Variants in USP47 observed in about 807,000 individuals in gnomAD.
USP47 encodes ubiquitin carboxyl-terminal hydrolase 47.
Under a neutral mutation model 165.1 loss-of-function variants are expected in USP47, and 35 were observed. The observed-to-expected ratio is 0.21, with a 90% CI of 0.16 to 0.28. The LOEUF is 0.28. Among genes scored for constraint, USP47 ranks in the 10% least tolerant of loss-of-function variants. USP47 has a pLI of 1.00. For synonymous variants in USP47, 531 were observed against 544.5 expected (o/e 0.98, Z 0.35); for missense variants, 1,277 against 1,607.4 (o/e 0.79, Z 3.52).
chr11:11,875,903 A>G (rs535603279), intron 1 of USP47, among the ~76,000 whole-genome samples: 3 of 152,284 alleles, frequency 2.0e-5, no homozygotes, highest in Admixed American at 6.5e-5. Flanking sequence ...TCACCTGGCC[A>G]TTTTTACTTT....
At chr11:11,860,833 T>C (rs965226923) in intron 1 of USP47, among the ~76,000 whole-genome samples, 9 of 152,190 alleles carry the variant, frequency 5.9e-5, no homozygotes, top group Non-Finnish European at 1.3e-4. Flanking sequence ...CCATTGCCAA[T>C]ACTAGAACAG....
At chr11:11,895,810 G>C (rs1335344708) in intron 4 of USP47, among the ~76,000 whole-genome samples, 1 of 152,026 alleles carries the variant, frequency 6.6e-6, no homozygotes, top group Non-Finnish European at 1.5e-5. Context: ...ACTTCACTGG[G>C]CCTGTTTGAT....
At position 11,942,643 on chromosome 11, in the gene USP47, G is replaced by A. The variant is rs1201586031; in HGVS notation, c.2622G>A (p.Gly874=). Residue 874 remains glycine (G), a synonymous_variant, in exon 20 of 28, where the codon GGG becomes GGA. Coordinates refer to ENST00000527733, the MANE Select transcript of USP47 (RefSeq NM_001282659.2). ...SLQQQQDGDN[G]DSSKSTETSD... The stretch of plus-strand genomic sequence containing the variant: ...AGCAACAGCAGGATGGAGATAATGG[G>A]GACAGCAGCAAAAGTACTGAGACAA... The A allele has an allele frequency of 1.9e-6, 3 of 1,613,252 alleles. No homozygotes were observed. The highest frequency in any genetic ancestry group is 1.3e-5 in the African/African-American group (1 of 74,852).
chr11:11,938,567 T>C (rs1855240326), intron 18 of USP47, among the ~76,000 whole-genome samples, 195 bp downstream of exon 18: 1 of 152,064 alleles, frequency 6.6e-6, no homozygotes, highest in South Asian at 2.1e-4. Flanking sequence ...CAAGTACATA[T>C]AACAACTTAT....
chr11:11,931,818 G>A (rs1368691811), intron 14 of USP47, among the ~76,000 whole-genome samples: 3 of 151,712 alleles, frequency 2.0e-5, no homozygotes, highest in African/African-American at 4.8e-5. Context: ...ATTTCATATT[G>A]TCCCTTTGAA....
intron 4 of USP47, among the ~76,000 whole-genome samples, chr11:11,892,380 C>CTTTTTTTTTTTTTTTTTTTTTTTT (rs1300802562): frequency 3.3e-5 from 4 of 121,146 alleles, no homozygotes; most frequent in Admixed American, 9.1e-5. Context: ...TTTTAATTTT[C>CTTTTTTTTTTTTTTTTTTTTTTTT]TTTTTTTTTT....
chr11:11,895,749 G>GT (rs11419478), intron 4 of USP47, among the ~76,000 whole-genome samples: 11,807 of 152,036 alleles, frequency 0.078, 696 homozygotes, highest in East Asian at 0.32. Context: ...TCTTTGGCCA[G>GT]TTTTTTTAAC....
intron 4 of USP47, among the ~76,000 whole-genome samples, chr11:11,892,380 CTTTTTT>C (rs1300802562): frequency 5.0e-5 from 6 of 121,148 alleles, no homozygotes; most frequent in African/African-American, 1.9e-4. Context: ...TTTTAATTTT[CTTTTTT>C]TTTTTTTTTT....
chr11:11,917,934 G>GT (rs1853547901), intron 8 of USP47, among the ~76,000 whole-genome samples: 1 of 152,128 alleles, frequency 6.6e-6, no homozygotes, highest in Non-Finnish European at 1.5e-5. Flanking sequence ...GCAGGAATCT[G>GT]TAAGTGGATG....
intron 11 of USP47, among the ~76,000 whole-genome samples, chr11:11,929,187 A>G (rs1398885662): frequency 1.3e-5 from 2 of 152,086 alleles, no homozygotes; most frequent in East Asian, 3.8e-4. Flanking sequence ...TTACAGATAT[A>G]TATGGTTTCA....
intron 1 of USP47, among the ~76,000 whole-genome samples, chr11:11,876,091 CT>C (rs1453152840): frequency 6.6e-6 from 1 of 152,084 alleles, no homozygotes; most frequent in Non-Finnish European, 1.5e-5. Context: ...ATAGTTTCAA[CT>C]TTAGGATTTA....
chr11:11,883,483 A>G (rs1850960077), intron 2 of USP47, among the ~76,000 whole-genome samples: 1 of 152,190 alleles, frequency 6.6e-6, no homozygotes, highest in African/African-American at 2.4e-5. Context: ...AATCTCTTAC[A>G]GTTAATTTTT....
chr11:11,942,938 A>C lies in USP47; in HGVS notation c.2917A>C (p.Ser973Arg), dbSNP rs753340950. Reference sequence around the variant, plus strand: ...ACTTGACTCTCACAGTATCACAAGTAGTAGAAGAACGAAAGCAAATGAAGG... The same window carrying C: ...ACTTGACTCTCACAGTATCACAAGTCGTAGAAGAACGAAAGCAAATGAAGG... The part of the protein sequence containing the change: ...NGLDSHSITS[S>R]RRTKANEGKK... Residue 973 changes from serine to arginine, a missense_variant, in exon 20 of 28, where the codon AGT (serine) becomes CGT (arginine). Coordinates refer to ENST00000527733, the MANE Select transcript of USP47 (RefSeq NM_001282659.2). 2 of 1,613,654 alleles carry C rather than the reference A, an allele frequency of 1.2e-6. No homozygotes were observed. Among genetic ancestry groups the C allele is most frequent in the Non-Finnish European group, 8.5e-7 (1 of 1,179,738 alleles).
rs1010998137 is a variant in USP47 at position 11,870,410 on chromosome 11, A to T, written c.40-9767A>T. Among the ~76,000 whole-genome samples, 3 of 152,122 alleles carry T rather than the reference A, an allele frequency of 2.0e-5. No individual in the cohort carries two copies. The East Asian group carries it at 5.8e-4, about 29-fold the overall frequency. ...TTTAATAAAAACTCAAGAGAAGGAAAATGTATTATATTTAGCTATATTTTT... is the reference window on the plus strand; with the variant it reads ...TTTAATAAAAACTCAAGAGAAGGAATATGTATTATATTTAGCTATATTTTT... On this transcript the variant is annotated intron_variant, in intron 1 of 27. Coordinates refer to ENST00000527733, the MANE Select transcript of USP47 (RefSeq NM_001282659.2).
chr11:11,880,994 T>C (rs1188844250), intron 2 of USP47, among the ~76,000 whole-genome samples: 2 of 152,176 alleles, frequency 1.3e-5, no homozygotes, highest in South Asian at 2.1e-4. Flanking sequence ...GGGTATACTT[T>C]CTAATTTTAG....
intron 14 of USP47, among the ~76,000 whole-genome samples, chr11:11,931,124 G>A (rs1854634638): frequency 6.6e-6 from 1 of 151,850 alleles, no homozygotes; most frequent in South Asian, 2.1e-4. Flanking sequence ...AAATATCTAG[G>A]GGGGTGTGTA....
At position 11,942,458 on chromosome 11, in the gene USP47, C is replaced by G. The variant is rs767691141; in HGVS notation, c.2437C>G (p.Pro813Ala). 6.2e-7 allele frequency: 1 copy of G among 1,613,572 alleles called. No homozygotes were observed. The highest frequency in any genetic ancestry group is 8.5e-7 in the Non-Finnish European group (1 of 1,179,712). ...ATTTGTTTTGCTACCTGAACAATCC[C>G]CAGTATCTTATTCCAAAAGGACAGC... ...RLFVLLPEQS[P>A]VSYSKRTAYQ... Residue 813 changes from proline (P) to alanine (A), a missense_variant, in exon 20 of 28, where the codon CCA (proline) becomes GCA (alanine). Physicochemically the swap from Pro to Ala is conservative, Grantham distance 27. Transcript: ENST00000527733.
chr11:11,876,214 T>C (rs1433374376), intron 1 of USP47, among the ~76,000 whole-genome samples: 1 of 151,778 alleles, frequency 6.6e-6, no homozygotes, highest in Non-Finnish European at 1.5e-5. Context: ...TGTAGGCTTT[T>C]CTAAAATTTT....
chr11:11,957,042 ATCCTCAGTGAGGT>A lies in USP47; in HGVS notation c.*877_*889del, dbSNP rs1259185482. On this transcript the variant is annotated 3_prime_UTR_variant, in exon 28 of 28. Transcript: ENST00000527733. Reference sequence around the variant, plus strand: ...AAGTATAGCAATCTATGTAAATGTAATCCTCAGTGAGGTTCCTCAGTGCTAGGTCCCATAGGAT... The same window carrying A: ...AAGTATAGCAATCTATGTAAATGTAATCCTCAGTGCTAGGTCCCATAGGAT... 1.2e-4 allele frequency: 18 copies of A among 152,220 alleles called. No individual in the cohort carries two copies. The highest frequency in any genetic ancestry group is 4.3e-4 in the African/African-American group (18 of 41,460). The allele number at this position is 152,220 out of a possible 1,614,324, so 9.4% of individuals were successfully genotyped here.
Sources: allele counts gnomAD v4.1 joint callset (sites outside exome capture counted in the v4.1 genomes callset), GRCh38; gene constraint gnomAD v4.1.1; transcripts MANE v1.5; gene names NCBI Gene and HGNC (gene_info 2026-07-23, HGNC 2026-07-21).